Variants in CACNA1D observed in about 807,000 individuals in gnomAD.
CACNA1D encodes the protein voltage-dependent L-type calcium channel subunit alpha-1D.
In CACNA1D, 55 loss-of-function variants were observed where a neutral mutation model predicts 257.1. That is an observed-to-expected ratio of 0.21 (90% CI 0.17 to 0.27). CACNA1D has a LOEUF of 0.27. Among genes scored for constraint, CACNA1D ranks in the 10% least tolerant of loss-of-function variants. The pLI is 1.00. For synonymous variants in CACNA1D, 980 were observed against 1,014.9 expected (o/e 0.97, Z 0.65); for missense variants, 1,876 against 2,784.0 (o/e 0.67, Z 7.34).
chr3:53,763,542 G>A (rs1028373743), intron 30 of CACNA1D, among the ~76,000 whole-genome samples: 4 of 152,180 alleles, frequency 2.6e-5, no homozygotes, highest in Non-Finnish European at 4.4e-5. Flanking sequence ...AGAGCCTTTC[G>A]AGAGAGTGGG....
Position 53,694,335 on chromosome 3 carries a change from A to G in CACNA1D, c.1221-8306A>G, listed in dbSNP as rs569459525. Among the ~76,000 whole-genome samples, 5 of 152,232 alleles carry G rather than the reference A, an allele frequency of 3.3e-5. No individual in the cohort carries two copies. The South Asian group carries it at 1.0e-3, about 32-fold the overall frequency. On this transcript the variant is annotated intron_variant, in intron 8 of 47. Coordinates refer to ENST00000350061, the MANE Select transcript of CACNA1D (RefSeq NM_001128840.3). ...GTGAGGGACAGCAGGTGGAGAGATGAGCGGAAAGGGGGCTGTCACCTTTCT... is the reference window on the plus strand; with the variant it reads ...GTGAGGGACAGCAGGTGGAGAGATGGGCGGAAAGGGGGCTGTCACCTTTCT...
At chr3:53,743,726 G>T (rs1445591037) in intron 22 of CACNA1D, among the ~76,000 whole-genome samples, 1 of 152,226 alleles carries the variant, frequency 6.6e-6, no homozygotes, top group Admixed American at 6.5e-5. Flanking sequence ...AGAGGCTCCA[G>T]TAGAGCATCA....
At chr3:53,541,705 C>T (rs146586759) in intron 3 of CACNA1D, among the ~76,000 whole-genome samples, 39 of 152,278 alleles carry the variant, frequency 2.6e-4, no homozygotes, top group African/African-American at 9.1e-4. Flanking sequence ...TCGTGAGCAC[C>T]TGTGTTCTGG....
intron 45 of CACNA1D, 32 bp downstream of exon 45, chr3:53,805,178 C>T (rs760943116): frequency 5.9e-5 from 95 of 1,604,764 alleles, no homozygotes; most frequent in Non-Finnish European, 7.7e-5. Context: ...TGGGTGGAAC[C>T]TCCCGGGGAA....
chr3:53,503,717 C>A (rs1304055264), intron 3 of CACNA1D, among the ~76,000 whole-genome samples: 1 of 152,100 alleles, frequency 6.6e-6, no homozygotes, highest in East Asian at 1.9e-4. Context: ...CCCTTTTGCA[C>A]CCCTTCTCCA....
rs147219824 is a variant in CACNA1D at position 53,706,524 on chromosome 3, T to A, written c.1390+3714T>A. Among the ~76,000 whole-genome samples the A allele has an allele frequency of 4.2e-3, 639 of 152,304 alleles. 2 individuals are homozygous for A. The highest frequency in any genetic ancestry group is 0.013 in the African/African-American group (537 of 41,562). On this transcript the variant is annotated intron_variant, in intron 9 of 47. Coordinates refer to ENST00000350061, the MANE Select transcript of CACNA1D (RefSeq NM_001128840.3). ...GATATATCTCCCCATGGGGCTGTTG[T>A]GACAATTGAACGTTCTGTGACTGCT...
At chr3:53,706,357 C>G (rs1474528116) in intron 9 of CACNA1D, among the ~76,000 whole-genome samples, 3 of 152,216 alleles carry the variant, frequency 2.0e-5, no homozygotes, top group African/African-American at 7.2e-5. Flanking sequence ...GAGGCAAAGG[C>G]TTGGGCTGGA....
At chr3:53,662,960 G>A (rs1211977839) in intron 5 of CACNA1D, among the ~76,000 whole-genome samples, 1 of 152,202 alleles carries the variant, frequency 6.6e-6, no homozygotes. Flanking sequence ...ATTGGAACGG[G>A]TGTCGTCTTT....
At chr3:53,710,329 C>G in intron 9 of CACNA1D, 1 of 443,724 alleles carries the variant, frequency 2.3e-6, no homozygotes, top group Non-Finnish European at 4.6e-6. Context: ...CGCGTGGGGC[C>G]CTGGTTTGGC....
At chr3:53,622,250 C>T (rs1432937940) in intron 3 of CACNA1D, among the ~76,000 whole-genome samples, 1 of 152,112 alleles carries the variant, frequency 6.6e-6, no homozygotes, top group Non-Finnish European at 1.5e-5. Flanking sequence ...AGGGTTTCAC[C>T]ATGTTGGCCA....
In CACNA1D at chr3:53,495,370, G is replaced by A; in HGVS notation, c.67+137G>A. On this transcript the variant is annotated intron_variant, in intron 1 of 47. Transcript: ENST00000350061. This position sits in a 1 kb window ranked among gnomAD's most constrained non-coding sequence, Gnocchi z 5.1. ...CTGCCAGCTCGGTGTCGTCTACACA[G>A]AGAGGGGACATGCGTGACAGCCACT... is the stretch of plus-strand genomic sequence containing the variant. 1.0e-6 allele frequency: 1 copy of A among 974,312 alleles called. No individual in the cohort carries two copies. The highest frequency in any genetic ancestry group is 1.8e-5 in the Admixed American group (1 of 54,374). The allele number at this position is 974,312 out of a possible 1,614,324, so 60.4% of individuals were successfully genotyped here.
intron 3 of CACNA1D, among the ~76,000 whole-genome samples, chr3:53,564,136 C>T (rs1044248053): frequency 2.0e-5 from 3 of 151,996 alleles, no homozygotes; most frequent in South Asian, 4.2e-4. Context: ...GTGAAGTGTC[C>T]GTTGAGTCTT....
intron 3 of CACNA1D, among the ~76,000 whole-genome samples, chr3:53,611,168 T>C (rs1047699801): frequency 3.9e-5 from 6 of 152,130 alleles, no homozygotes; most frequent in African/African-American, 1.4e-4. Context: ...TGCTTGAGGC[T>C]AGGAGCTCAA....
chr3:53,549,129 C>G lies in CACNA1D; in HGVS notation c.483+47409C>G, dbSNP rs142237565. On this transcript the variant is annotated intron_variant, in intron 3 of 47. Coordinates refer to ENST00000350061, the MANE Select transcript of CACNA1D (RefSeq NM_001128840.3). ...GAGAGAAACAGTCTGCAAATTAAATCACAATGCAGATGCCATCTTCTCACT... is the reference window on the plus strand; with the variant it reads ...GAGAGAAACAGTCTGCAAATTAAATGACAATGCAGATGCCATCTTCTCACT... Among the ~76,000 whole-genome samples the G allele has an allele frequency of 1.8e-3, 279 of 152,318 alleles. 6 individuals carry two copies. Among genetic ancestry groups the G allele is most frequent in the Admixed American group, 0.015 (229 of 15,306 alleles).
chr3:53,570,858 T>A (rs956073676), intron 3 of CACNA1D, among the ~76,000 whole-genome samples: 1 of 152,220 alleles, frequency 6.6e-6, no homozygotes, highest in Non-Finnish European at 1.5e-5. Context: ...AAGGAAGGCT[T>A]CCTGGAAAAA....
intron 3 of CACNA1D, among the ~76,000 whole-genome samples, chr3:53,544,855 C>A (rs1373766438): frequency 1.3e-5 from 2 of 152,190 alleles, no homozygotes; most frequent in Non-Finnish European, 2.9e-5. Flanking sequence ...CAAGTTGCTT[C>A]ATCCCTCATT....
chr3:53,761,276 C>T (rs1349136712), intron 29 of CACNA1D, among the ~76,000 whole-genome samples: 1 of 152,200 alleles, frequency 6.6e-6, no homozygotes, highest in Non-Finnish European at 1.5e-5. Context: ...AGCCCTGGAA[C>T]ATCCTCTTCA....
chr3:53,762,032 C>T lies in CACNA1D; in HGVS notation c.3821C>T (p.Ser1274Phe), dbSNP rs200382504. ...AGTGACGCCTGGAACACGTTTGACT[C>T]CCTCATCGTAATCGGCAGCATTATA... is the stretch of plus-strand genomic sequence containing the variant. ...YFSDAWNTFD[S>F]LIVIGSIIDV... The change falls in exon 30 of 48, where the codon TCC becomes TTC. Residue 1274 changes from serine (S) to phenylalanine (F), a missense_variant. Around this residue, in one of 10 missense-constraint regions of CACNA1D, gnomAD observed 204 missense variants for 309.4 expected, o/e 0.66. Coordinates refer to ENST00000350061, the MANE Select transcript of CACNA1D (RefSeq NM_001128840.3). 534 of 1,613,750 alleles carry T rather than the reference C, an allele frequency of 3.3e-4. No individual in the cohort carries two copies. Among genetic ancestry groups the T allele is most frequent in the Non-Finnish European group, 3.8e-4 (449 of 1,179,726 alleles).
chr3:53,542,279 T>C (rs965642575), intron 3 of CACNA1D, among the ~76,000 whole-genome samples: 64 of 152,026 alleles, frequency 4.2e-4, no homozygotes, highest in African/African-American at 1.4e-3. Flanking sequence ...GAATGGATGG[T>C]AAAGAGTTGT....
Sources: gnomAD v4.1 joint callset for allele counts (sites outside exome capture counted in the v4.1 genomes callset) on GRCh38, gnomAD v4.1.1 for gene constraint, gnomAD v4.1.1 regional missense constraint, Gnocchi (gnomAD v3.1) non-coding constraint, MANE v1.5 for transcripts, NCBI Gene and HGNC (gene_info 2026-07-23, HGNC 2026-07-21) for gene names.